Variants in CENPW observed in about 807,000 individuals in gnomAD.
The protein encoded by CENPW is cancer-up-regulated gene 2 protein.
A neutral mutation model predicts 11.1 loss-of-function variants in CENPW; 3 were observed. The observed-to-expected ratio is 0.27, with a 90% CI of 0.12 to 0.70. The LOEUF (loss-of-function observed/expected upper bound fraction) is 0.70, where lower values mean the gene tolerates loss of function less well. Ranked by LOEUF, CENPW falls within the 30% of genes least tolerant of loss-of-function variation. The pLI, the probability that CENPW is intolerant of heterozygous loss-of-function variation, is 0.77. For missense variants in CENPW, 100 were observed against 105.6 expected (o/e 0.95, Z 0.23); for synonymous variants, 38 against 42.0 (o/e 0.91, Z 0.37).
At chr6:126,389,404 C>T in the CENPW span, among the ~76,000 whole-genome samples, 9 of 151,846 alleles carry the variant, frequency 5.9e-5, no homozygotes, top group African/African-American at 2.2e-4. Context: ...ACTGATTTCT[C>T]CCAAACATTT....
At chr6:126,415,916 A>G in the CENPW span, among the ~76,000 whole-genome samples, 1 of 152,166 alleles carries the variant, frequency 6.6e-6, no homozygotes, top group African/African-American at 2.4e-5. Context: ...TGGTACCAGT[A>G]GAGTGGGGTG....
chr6:126,392,743 A>C, the CENPW span, among the ~76,000 whole-genome samples: 1 of 151,748 alleles, frequency 6.6e-6, no homozygotes, highest in African/African-American at 2.4e-5. Flanking sequence ...CAGGGATATT[A>C]GCTTCTAGTA....
At chr6:126,370,346 A>AGATTCAATGAATTTGTC in the CENPW span, among the ~76,000 whole-genome samples, 22 of 152,186 alleles carry the variant, frequency 1.4e-4, no homozygotes, top group African/African-American at 5.1e-4. Context: ...TTGAATTTGT[A>AGATTCAATGAATTTGTC]GATTCAATGA....
At chr6:126,466,543 G>A in the CENPW span, among the ~76,000 whole-genome samples, 1 of 152,072 alleles carries the variant, frequency 6.6e-6, no homozygotes, top group African/African-American at 2.4e-5. Context: ...TATAAAGATG[G>A]AGCCACTGGT....
chr6:126,394,098 T>A, the CENPW span, among the ~76,000 whole-genome samples: 1 of 151,986 alleles, frequency 6.6e-6, no homozygotes, highest in Middle Eastern at 3.2e-3. Context: ...CTGAGTCTTT[T>A]GATTGAAGAG....
chr6:126,456,135 A>T, the CENPW span, among the ~76,000 whole-genome samples: 1 of 151,442 alleles, frequency 6.6e-6, no homozygotes, highest in Non-Finnish European at 1.5e-5. Context: ...TATTTCCCAA[A>T]GCAATCTACA....
the CENPW span, among the ~76,000 whole-genome samples, chr6:126,385,399 A>G: frequency 6.6e-6 from 1 of 152,214 alleles, no homozygotes; most frequent in Non-Finnish European, 1.5e-5. Flanking sequence ...AATGTGGTGC[A>G]TATACCATGG....
chr6:126,369,449 T>A, the CENPW span, among the ~76,000 whole-genome samples: 1 of 152,344 alleles, frequency 6.6e-6, no homozygotes, highest in South Asian at 2.1e-4. Flanking sequence ...TACATTTTTT[T>A]AAAGTTGTTG....
At chr6:126,447,632 C>T in the CENPW span, among the ~76,000 whole-genome samples, 6 of 151,146 alleles carry the variant, frequency 4.0e-5, no homozygotes, top group Non-Finnish European at 8.9e-5. Context: ...ACTACAATAT[C>T]AAATTGGGCC....
chr6:126,387,579 A>G, the CENPW span, among the ~76,000 whole-genome samples: 6 of 152,046 alleles, frequency 3.9e-5, no homozygotes, highest in South Asian at 2.1e-4. Context: ...CCTAACTGCA[A>G]TATTGTATGG....
At chr6:126,341,080 C>T (rs936307697) in intron 1 of CENPW, among the ~76,000 whole-genome samples, 3 of 152,206 alleles carry the variant, frequency 2.0e-5, no homozygotes, top group South Asian at 2.1e-4. Context: ...GCTTATCTGA[C>T]CCATAATACC....
At chr6:126,422,604 A>C in the CENPW span, among the ~76,000 whole-genome samples, 1 of 152,104 alleles carries the variant, frequency 6.6e-6, no homozygotes, top group Admixed American at 6.6e-5. Context: ...TCAGTCTATC[A>C]CAGTCTTTCA....
chr6:126,350,387 G>A (rs1251611569), downstream of CENPW, among the ~76,000 whole-genome samples: 2 of 152,114 alleles, frequency 1.3e-5, no homozygotes, highest in African/African-American at 2.4e-5. Flanking sequence ...GTTGCAGACT[G>A]CTAACTTCTC....
the CENPW span, among the ~76,000 whole-genome samples, chr6:126,355,468 C>T: frequency 6.6e-6 from 1 of 152,084 alleles, no homozygotes; most frequent in Admixed American, 6.6e-5. Context: ...AGGTACTTTA[C>T]AAAAGTGGTA....
chr6:126,391,243 A>T, the CENPW span, among the ~76,000 whole-genome samples: 1 of 151,970 alleles, frequency 6.6e-6, no homozygotes, highest in Non-Finnish European at 1.5e-5. Flanking sequence ...GCACCTTTTC[A>T]TATACCTGTT....
At chr6:126,358,416 A>G in the CENPW span, among the ~76,000 whole-genome samples, 1 of 152,158 alleles carries the variant, frequency 6.6e-6, no homozygotes, top group East Asian at 1.9e-4. Context: ...TTTATCATGA[A>G]GAAGTGTTGG....
At chr6:126,376,893 G>A in the CENPW span, among the ~76,000 whole-genome samples, 1 of 152,136 alleles carries the variant, frequency 6.6e-6, no homozygotes, top group Admixed American at 6.6e-5. Context: ...CAGGAATGGG[G>A]CTGTGGTAGG....
the CENPW span, among the ~76,000 whole-genome samples, chr6:126,386,635 A>G: frequency 2.0e-5 from 3 of 152,124 alleles, no homozygotes; most frequent in East Asian, 5.8e-4. Context: ...TGTACACTAG[A>G]GAAACAGTCT....
intron 1 of CENPW, among the ~76,000 whole-genome samples, chr6:126,341,347 C>T (rs911230096): frequency 2.2e-4 from 33 of 152,242 alleles, no homozygotes; most frequent in African/African-American, 7.5e-4. Flanking sequence ...ATAATAAGAG[C>T]ATACTGCATG....
Sources: allele counts gnomAD v4.1 joint callset (sites outside exome capture counted in the v4.1 genomes callset), GRCh38; gene constraint gnomAD v4.1.1; transcripts MANE v1.5; gene names NCBI Gene and HGNC (gene_info 2026-07-23, HGNC 2026-07-21).